The following PLEKHM3 variants were observed in gnomAD, a reference collection of about 807,000 sequenced individuals.
PLEKHM3 encodes the protein pleckstrin homology domain containing M3.
PLEKHM3 carries 45 observed loss-of-function variants against 81.8 expected under a neutral mutation model. The observed-to-expected ratio is 0.55, with a 90% confidence interval of 0.43 to 0.71. The LOEUF is 0.71. Ranked by LOEUF, PLEKHM3 falls within the 30% of genes least tolerant of loss-of-function variation. PLEKHM3 has a pLI of 0.00. For missense variants in PLEKHM3, 788 were observed against 924.3 expected, an observed-to-expected ratio of 0.85 and a Z score of 1.91; for synonymous variants, 352 against 356.4, an observed-to-expected ratio of 0.99 and a Z score of 0.14.
intron 2 of PLEKHM3, among the ~76,000 whole-genome samples, chr2:207,991,908 A>G (rs996846753): frequency 6.6e-6 from 1 of 152,216 alleles, no homozygotes; most frequent in African/African-American, 2.4e-5. Context: ...CTCAATAGTT[A>G]TCTGTCAGAT....
At chr2:207,882,431 G>A (rs1687724017) in intron 6 of PLEKHM3, among the ~76,000 whole-genome samples, 1 of 151,870 alleles carries the variant, frequency 6.6e-6, no homozygotes, top group Non-Finnish European at 1.5e-5. Flanking sequence ...CACCAACATG[G>A]TGAAACCCCA....
chr2:207,878,144 C>T (rs934753297), intron 6 of PLEKHM3, among the ~76,000 whole-genome samples: 1 of 152,074 alleles, frequency 6.6e-6, no homozygotes, highest in Non-Finnish European at 1.5e-5. Context: ...CCCTATATTG[C>T]CCAGGCTGGT....
At chr2:207,881,103 A>C (rs139520410) in intron 6 of PLEKHM3, among the ~76,000 whole-genome samples, 27 of 152,172 alleles carry the variant, frequency 1.8e-4, no homozygotes, top group African/African-American at 5.3e-4. Flanking sequence ...TTTTGCACAA[A>C]GATATACATA....
intron 7 of PLEKHM3, among the ~76,000 whole-genome samples, chr2:207,846,143 TTTTTG>T (rs1173467729): frequency 2.0e-5 from 3 of 152,092 alleles, no homozygotes; most frequent in African/African-American, 2.4e-5. Flanking sequence ...TCCAGTGATC[TTTTTG>T]TTTTTTGTTT....
intron 1 of PLEKHM3, among the ~76,000 whole-genome samples, chr2:208,021,642 A>G (rs1037595417): frequency 2.0e-5 from 3 of 152,234 alleles, no homozygotes; most frequent in Non-Finnish European, 2.9e-5. Context: ...GTGATTATAA[A>G]TAAGTACTAC....
At chr2:207,991,461 G>T (rs1324353020) in intron 2 of PLEKHM3, among the ~76,000 whole-genome samples, 1 of 152,122 alleles carries the variant, frequency 6.6e-6, no homozygotes, top group East Asian at 1.9e-4. Flanking sequence ...CAGGAAAGAT[G>T]GCCTCTCCCC....
intron 6 of PLEKHM3, chr2:207,899,927 G>A (rs2105886092): frequency 6.6e-6 from 1 of 152,216 alleles, no homozygotes; most frequent in Non-Finnish European, 1.5e-5. Flanking sequence ...TACAGTCATA[G>A]CCTCTAGGAA....
At position 207,931,095 on chromosome 2, in the gene PLEKHM3, G is replaced by A. The variant is rs747078394; in HGVS notation, c.1717C>T (p.Leu573=). 6.2e-7 allele frequency: 1 copy of A among 1,613,302 alleles called. No individual in the cohort carries two copies. The highest frequency in any genetic ancestry group is 8.5e-7 in the Non-Finnish European group (1 of 1,179,430). The change falls in exon 5 of 8, where the codon CTG becomes TTG. Residue 573 remains leucine, a synonymous_variant. Transcript: ENST00000427836. ...YKVSKQAKEF[L]EYVYEEPLID... is the part of the protein sequence containing the mutation. ...AGCGGCTCTTCGTACACGTACTCCA[G>A]AAACTCCTTGGCCTGCTTCGACACC...
chr2:207,858,174 G>GTGTGTGTATA (rs373920637), intron 7 of PLEKHM3, among the ~76,000 whole-genome samples: 21 of 123,294 alleles, frequency 1.7e-4, no homozygotes, highest in African/African-American at 5.6e-4. Flanking sequence ...GTGTGTGTGT[G>GTGTGTGTATA]TATATATTTT....
chr2:207,898,099 C>G (rs1320377737), intron 6 of PLEKHM3, among the ~76,000 whole-genome samples: 1 of 152,166 alleles, frequency 6.6e-6, no homozygotes, highest in African/African-American at 2.4e-5. Flanking sequence ...TAACACTAAC[C>G]TCCAAATTCC....
intron 7 of PLEKHM3, among the ~76,000 whole-genome samples, chr2:207,834,127 TTTC>T (rs768885420): frequency 2.2e-3 from 193 of 88,624 alleles, no homozygotes; most frequent in Non-Finnish European, 3.1e-3. Flanking sequence ...GATTTTTCTC[TTTC>T]TTTTTTTTTT....
chr2:207,979,653 T>C (rs984015005), intron 2 of PLEKHM3, among the ~76,000 whole-genome samples: 3 of 152,154 alleles, frequency 2.0e-5, no homozygotes, highest in African/African-American at 7.2e-5. Flanking sequence ...CCAACACACA[T>C]TGGAGACAGT....
intron 4 of PLEKHM3, among the ~76,000 whole-genome samples, chr2:207,943,793 G>A (rs987860069): frequency 1.8e-4 from 26 of 147,604 alleles, no homozygotes; most frequent in African/African-American, 6.0e-4. Context: ...GCGTGAACCC[G>A]GGAGGCGCAG....
At chr2:207,953,188 T>C (rs1424565068) in intron 3 of PLEKHM3, among the ~76,000 whole-genome samples, 1 of 152,230 alleles carries the variant, frequency 6.6e-6, no homozygotes, top group Non-Finnish European at 1.5e-5. Context: ...GCTGATAGTC[T>C]TTGGGTTGAG....
At chr2:207,992,515 A>G (rs1691931589) in intron 2 of PLEKHM3, among the ~76,000 whole-genome samples, 1 of 152,168 alleles carries the variant, frequency 6.6e-6, no homozygotes, top group Admixed American at 6.5e-5. Context: ...ATTCTGAATA[A>G]AAAACAAAAC....
rs917552780 is a variant in PLEKHM3, at chr2:207,822,893, C to G, written c.*5426G>C. 1 of 152,454 alleles carries G rather than the reference C, an allele frequency of 6.6e-6. No homozygotes were observed. The highest frequency in any genetic ancestry group is 1.5e-5 in the Non-Finnish European group (1 of 68,242). 9.4% of individuals were successfully genotyped at this position (152,454 alleles called of 1,614,324 possible). On this transcript the variant is annotated 3_prime_UTR_variant, in exon 8 of 8. Coordinates refer to ENST00000427836, the MANE Select transcript of PLEKHM3 (RefSeq NM_001080475.3). Reference sequence around the variant, plus strand: ...CAACATGGAGAAGGAGCCACAGGCCCCAGCTGTCCTCTAGCTGGTTTATTA... The same window carrying G: ...CAACATGGAGAAGGAGCCACAGGCCGCAGCTGTCCTCTAGCTGGTTTATTA...
chr2:207,932,731 G>A (rs1689634540), intron 4 of PLEKHM3, among the ~76,000 whole-genome samples: 1 of 152,178 alleles, frequency 6.6e-6, no homozygotes, highest in Non-Finnish European at 1.5e-5. Flanking sequence ...CTCTCCTGGT[G>A]GGGAGAGGGT....
At chr2:207,841,424 G>A (rs1183115760) in intron 7 of PLEKHM3, among the ~76,000 whole-genome samples, 12 of 120,188 alleles carry the variant, frequency 1.0e-4, no homozygotes, top group East Asian at 5.6e-4. Flanking sequence ...ACTCCAGCCC[G>A]GGTGACACAG....
In PLEKHM3 at chr2:207,825,124, G is replaced by C. The variant is rs1183415088; in HGVS notation, c.*3195C>G. 1 of 152,168 alleles carries C rather than the reference G, an allele frequency of 6.6e-6. No homozygotes were observed. Among genetic ancestry groups the C allele is most frequent in the Non-Finnish European group, 1.5e-5 (1 of 68,036 alleles). The allele number at this position is 152,168 out of a possible 1,614,324, so 9.4% of individuals were successfully genotyped here. A position where few individuals can be genotyped will look rare whatever the true frequency, so the allele number is the denominator to read the frequency against. ...ACTTTGGAAAAAGCGGGCCTGGAAA[G>C]AACACTACCCCCATTCCAGTTGACG... On this transcript the variant is annotated 3_prime_UTR_variant, in exon 8 of 8. Coordinates refer to ENST00000427836, the MANE Select transcript of PLEKHM3 (RefSeq NM_001080475.3).
Sources: gnomAD v4.1 joint callset for allele counts (sites outside exome capture counted in the v4.1 genomes callset) on GRCh38, gnomAD v4.1.1 for gene constraint, MANE v1.5 for transcripts, NCBI Gene and HGNC (gene_info 2026-07-23, HGNC 2026-07-21) for gene names.